The following ESCO2 variants were observed in gnomAD, a reference collection of about 807,000 sequenced individuals.
The protein encoded by ESCO2 is establishment of sister chromatid cohesion N-acetyltransferase 2.
In ESCO2, 51 loss-of-function variants were observed where a neutral mutation model predicts 61.7. That is an observed-to-expected ratio of 0.83 (90% CI 0.66 to 1.04). The LOEUF (loss-of-function observed/expected upper bound fraction) is 1.04. Ranked by LOEUF, ESCO2 falls within the 50% of genes least tolerant of loss-of-function variation. The probability of loss-of-function intolerance (pLI) is 0.00; values close to 1 mark genes in which losing one functional copy is unlikely to be tolerated. For synonymous variants in ESCO2, 230 were observed against 238.2 expected, an observed-to-expected ratio of 0.97 and a Z score of 0.32; for missense variants, 692 against 686.2, an observed-to-expected ratio of 1.01 and a Z score of -0.09.
rs375622581 is a variant in ESCO2, at chr8:27,797,781, C to A, written c.1498-1760C>A. ...CTATAATATAACAGCCTATTTTAAG[C>A]TGATAACAATTTATATCACCTACAA... On this transcript the variant is annotated intron_variant, in intron 9 of 10. Coordinates refer to ENST00000305188, the MANE Select transcript of ESCO2 (RefSeq NM_001017420.3). Among the ~76,000 whole-genome samples the A allele has an allele frequency of 4.9e-4, 74 of 152,260 alleles. 1 individual carries two copies. In the East Asian group the frequency reaches 0.011, roughly 22 times the overall value.
downstream of ESCO2, among the ~76,000 whole-genome samples, chr8:27,816,887 AAATT>A (rs1172667159): frequency 6.6e-6 from 1 of 152,030 alleles, no homozygotes; most frequent in Non-Finnish European, 1.5e-5. Flanking sequence ...GTGGTAGTAT[AAATT>A]AAACCACCCC....
At chr8:27,800,536 G>A (rs1805400422) in intron 10 of ESCO2, among the ~76,000 whole-genome samples, 1 of 152,192 alleles carries the variant, frequency 6.6e-6, no homozygotes, top group South Asian at 2.1e-4. Context: ...AACTGGTGCA[G>A]TTGGTGTGGA....
At chr8:27,780,318 A>G (rs764127659) in intron 4 of ESCO2, 51 bp downstream of exon 4, 16 of 1,097,754 alleles carry the variant, frequency 1.5e-5, no homozygotes, top group Middle Eastern at 2.2e-4. Flanking sequence ...GCTTTATTAC[A>G]TACATTATAC....
upstream of ESCO2, among the ~76,000 whole-genome samples, chr8:27,773,974 T>A (rs1283064241): frequency 1.3e-5 from 2 of 152,238 alleles, no homozygotes; most frequent in Non-Finnish European, 2.9e-5. Context: ...ATTAATGCCT[T>A]ACAGATTGTG....
chr8:27,789,898 C>G (rs73233108), intron 7 of ESCO2, among the ~76,000 whole-genome samples: 1 of 152,198 alleles, frequency 6.6e-6, no homozygotes, highest in Non-Finnish European at 1.5e-5. Flanking sequence ...CTCAACCTTT[C>G]CTATATATGT....
chr8:27,811,096 A>G, downstream of ESCO2: 2 of 1,613,864 alleles, frequency 1.2e-6, no homozygotes, highest in South Asian at 1.1e-5. Context: ...TTGGGTTTCC[A>G]TGGCTCTGTG....
chr8:27,775,340 G>GT (rs1472233505), intron 1 of ESCO2, among the ~76,000 whole-genome samples, 159 bp from the exon 2 acceptor site: 1 of 152,188 alleles, frequency 6.6e-6, no homozygotes, highest in Non-Finnish European at 1.5e-5. Flanking sequence ...GAACAAGCGC[G>GT]TGTAACCCTT....
intron 5 of ESCO2, among the ~76,000 whole-genome samples, chr8:27,784,661 A>G (rs1804998281): frequency 6.6e-6 from 1 of 152,174 alleles, no homozygotes; most frequent in Admixed American, 6.5e-5. Context: ...AGCTACCAGT[A>G]CCCAAGCTAA....
intron 9 of ESCO2, among the ~76,000 whole-genome samples, chr8:27,798,331 ATGCC>A (rs1563480084): frequency 6.6e-6 from 1 of 152,096 alleles, no homozygotes; most frequent in Non-Finnish European, 1.5e-5. Flanking sequence ...GTGGTGGTGC[ATGCC>A]TGTAATCCCA....
chr8:27,787,922 A>G lies in ESCO2; in HGVS notation c.1051A>G (p.Asn351Asp). 2.5e-6 allele frequency: 4 copies of G among 1,613,780 alleles called. No homozygotes were observed. The highest frequency in any genetic ancestry group is 3.4e-6 in the Non-Finnish European group (4 of 1,179,834). The change falls in exon 6 of 11, where the codon AAC (asparagine) becomes GAC (aspartate). Residue 351 changes from asparagine (N) to aspartate (D), a missense_variant. Physicochemically the swap from Asn to Asp is conservative, Grantham distance 23. Transcript: ENST00000305188. ...AGAACAGTTTTCTGTGGGATCTGTC[A>G]ACTTCATGAAACAGACCAATATCCA... Reference protein sequence around the residue: ...GEEQFSVGSVNFMKQTNIQKN... With the variant: ...GEEQFSVGSVDFMKQTNIQKN...
intron 8 of ESCO2, among the ~76,000 whole-genome samples, chr8:27,792,405 T>C (rs1032400044): frequency 6.6e-6 from 1 of 152,172 alleles, no homozygotes; most frequent in Non-Finnish European, 1.5e-5. Context: ...AACAAATCTG[T>C]TTTAATGCTT....
intron 4 of ESCO2, 91 bp downstream of exon 4, chr8:27,780,358 TC>T (rs1217871775): frequency 3.3e-6 from 3 of 906,598 alleles, no homozygotes; most frequent in Non-Finnish European, 5.3e-6. Flanking sequence ...TCTGGGTCTT[TC>T]TTTTTTCAGT....
chr8:27,806,935 T>C (rs1402575813), downstream of ESCO2, among the ~76,000 whole-genome samples: 1 of 152,102 alleles, frequency 6.6e-6, no homozygotes, highest in Non-Finnish European at 1.5e-5. Flanking sequence ...TTTTAAGCCA[T>C]TGGGAAAAGT....
Position 27,791,963 on chromosome 8 carries a change from G to T in ESCO2, c.1264G>T (p.Gly422Cys). 6.2e-7 allele frequency: 1 copy of T among 1,613,844 alleles called. No homozygotes were observed. Among genetic ancestry groups the T allele is most frequent in the African/African-American group, 1.3e-5 (1 of 74,950 alleles). ...TGACCCTTTTGTTTTCCTTTGGCAGGGTTGGAAGAAAGAACGTGTAGTAGC... is the reference window on the plus strand; with the variant it reads ...TGACCCTTTTGTTTTCCTTTGGCAGTGTTGGAAGAAAGAACGTGTAGTAGC... ...HRFLEGIKYV[G>C]WKKERVVAEF... Residue 422 changes from glycine (G) to cysteine (C), a missense_variant and splice_region_variant, in exon 8 of 11, where the codon GGT (glycine) becomes TGT (cysteine). By Grantham distance (159) the Gly-to-Cys change is radical. Coordinates refer to ENST00000305188, the MANE Select transcript of ESCO2 (RefSeq NM_001017420.3).
the ESCO2 span, among the ~76,000 whole-genome samples, chr8:27,817,884 A>T: frequency 2.0e-5 from 3 of 152,164 alleles, no homozygotes; most frequent in Non-Finnish European, 4.4e-5. Flanking sequence ...ATGATGATTA[A>T]ATCTCCTAAA....
upstream of ESCO2, chr8:27,772,634 C>G (rs1345778680): frequency 4.6e-6 from 6 of 1,303,242 alleles, no homozygotes; most frequent in African/African-American, 2.9e-5. Flanking sequence ...GCCTGGCCCC[C>G]GGAACTCCTC....
At chr8:27,802,143 T>C (rs1805444212) in intron 10 of ESCO2, among the ~76,000 whole-genome samples, 1 of 110,096 alleles carries the variant, frequency 9.1e-6, no homozygotes, top group South Asian at 3.3e-4. Flanking sequence ...GATTAATTCT[T>C]TTTTTTTTTC....
intron 10 of ESCO2, among the ~76,000 whole-genome samples, chr8:27,802,433 T>TA (rs553444113): frequency 2.4e-4 from 35 of 146,900 alleles, no homozygotes; most frequent in Middle Eastern, 3.4e-3. Context: ...CTGTCTCTAC[T>TA]AAAAAAAAAT....
At chr8:27,810,821 T>A, downstream of ESCO2, 1 of 656,580 alleles carries the variant, frequency 1.5e-6, no homozygotes, top group South Asian at 2.0e-5. Flanking sequence ...TCAATCTATG[T>A]CTCATTTGTG....
Sources: gnomAD v4.1 joint callset for allele counts (sites outside exome capture counted in the v4.1 genomes callset) on GRCh38, gnomAD v4.1.1 for gene constraint, MANE v1.5 for transcripts, NCBI Gene and HGNC (gene_info 2026-07-23, HGNC 2026-07-21) for gene names.